Variants in ZNF143 observed in about 807,000 individuals in gnomAD.
ZNF143 encodes SPH-binding factor.
ZNF143 carries 49 observed loss-of-function variants against 74.1 expected under a neutral mutation model. That is an observed-to-expected ratio of 0.66 (90% CI 0.53 to 0.84). The LOEUF (loss-of-function observed/expected upper bound fraction) is 0.84, where lower values mean the gene tolerates loss of function less well. ZNF143 is among the 40% of genes least tolerant of loss of function. The pLI is 0.00. For missense variants in ZNF143, 637 were observed against 793.4 expected (o/e 0.80, Z 2.37); for synonymous variants, 304 against 282.8 (o/e 1.07, Z -0.75).
At chr11:9,497,473 C>G (rs1033148752) in intron 9 of ZNF143, among the ~76,000 whole-genome samples, 1 of 152,144 alleles carries the variant, frequency 6.6e-6, no homozygotes, top group Non-Finnish European at 1.5e-5. Context: ...TCAGGTGATC[C>G]GCCCGCCTTG....
intron 15 of ZNF143, 125 bp downstream of exon 15, chr11:9,525,511 C>T: frequency 7.7e-7 from 1 of 1,291,080 alleles, no homozygotes; most frequent in Non-Finnish European, 1.1e-6. Context: ...TATCACCTAG[C>T]CTACTTTAAG....
At chr11:9,512,033 G>A (rs1848569048) in intron 12 of ZNF143, among the ~76,000 whole-genome samples, 1 of 152,292 alleles carries the variant, frequency 6.6e-6, no homozygotes, top group Non-Finnish European at 1.5e-5. Flanking sequence ...TTACAGGCAT[G>A]AGCCACCGTG....
rs1477531952 is a variant in ZNF143, at chr11:9,486,371, A to ATAATATATATAATATATTATAT, written c.645+6825_645+6826insTAATATATATAATATATTATAT. On this transcript the variant is annotated intron_variant, in intron 7 of 15. Coordinates refer to ENST00000396602, the MANE Select transcript of ZNF143 (RefSeq NM_003442.6). ...TATATATTATATATATATTATATAT[A>ATAATATATATAATATATTATAT]ATATATTATATATATAATATATATA... Among the ~76,000 whole-genome samples the ATAATATATATAATATATTATAT allele has an allele frequency of 1.1e-3, 42 of 36,688 alleles. 2 individuals are homozygous for ATAATATATATAATATATTATAT. The highest frequency in any genetic ancestry group is 4.9e-3 in the African/African-American group (39 of 7,908). The allele number at this position is 36,688 out of a possible 152,430, so 24.1% of individuals were successfully genotyped here.
At chr11:9,481,902 A>T (rs72852991) in intron 7 of ZNF143, among the ~76,000 whole-genome samples, 16,577 of 138,826 alleles carry the variant, frequency 0.12, 1,179 homozygotes, top group Non-Finnish European at 0.16. Context: ...AAAAAAAAAA[A>T]TTTCAGAACT....
In ZNF143 at chr11:9,497,668, C is replaced by A; in HGVS notation, c.842-7C>A. On this transcript the variant is annotated splice_region_variant and splice_polypyrimidine_tract_variant and intron_variant, in intron 9 of 15. Transcript: ENST00000396602. The stretch of plus-strand genomic sequence containing the variant: ...GTAATTAAATTTCTTTTAATTTTTT[C>A]TTAAAGGTTATGGATTAAAAAGTCA... 1 of 1,580,600 alleles carries A rather than the reference C, an allele frequency of 6.3e-7. No homozygotes were observed. The highest frequency in any genetic ancestry group is 8.6e-7 in the Non-Finnish European group (1 of 1,161,434).
At chr11:9,511,335 C>T (rs1339565099) in intron 12 of ZNF143, among the ~76,000 whole-genome samples, 6 of 147,822 alleles carry the variant, frequency 4.1e-5, no homozygotes, top group Admixed American at 2.7e-4. Flanking sequence ...CTTGCTCTGT[C>T]GCCCAGGCTG....
rs1233448207 is a variant in ZNF143, at chr11:9,528,332, TAATG to T, written c.*723_*726del. Reference sequence around the variant, plus strand: ...AATTTTTATTACTGTTTTTTAAAAATAATGAATCATCAAAGTTTAACCACAGGCT... The same window carrying T: ...AATTTTTATTACTGTTTTTTAAAAATAATCATCAAAGTTTAACCACAGGCT... On this transcript the variant is annotated 3_prime_UTR_variant, in exon 16 of 16. Transcript: ENST00000396602. 4 of 152,232 alleles carry T rather than the reference TAATG, an allele frequency of 2.6e-5. No homozygotes were observed. Among genetic ancestry groups the T allele is most frequent in the African/African-American group, 2.4e-5 (1 of 41,470 alleles). 9.4% of individuals were successfully genotyped at this position (152,232 alleles called of 1,614,324 possible). A position where few individuals can be genotyped will look rare whatever the true frequency, so the allele number is the denominator to read the frequency against.
intron 14 of ZNF143, among the ~76,000 whole-genome samples, chr11:9,521,644 G>A (rs1043313203): frequency 6.6e-6 from 1 of 151,386 alleles, no homozygotes; most frequent in African/African-American, 2.4e-5. Context: ...TACTATTCAA[G>A]TTATCTATGT....
At chr11:9,523,603 G>A (rs1422963501) in intron 14 of ZNF143, among the ~76,000 whole-genome samples, 3 of 151,956 alleles carry the variant, frequency 2.0e-5, no homozygotes, top group Non-Finnish European at 2.9e-5. Flanking sequence ...GCGTGATGGC[G>A]GGCGCCTGTA....
intron 7 of ZNF143, 30 bp from the exon 8 acceptor site, chr11:9,494,616 A>G: frequency 6.2e-7 from 1 of 1,603,790 alleles, no homozygotes. Context: ...TGGCTTAAGT[A>G]ATTTAAGTAA....
chr11:9,483,288 CTTTTTTTTTTTTTTT>C (rs58704619), intron 7 of ZNF143, among the ~76,000 whole-genome samples: 2 of 50,200 alleles, frequency 4.0e-5, no homozygotes, highest in African/African-American at 8.8e-5. Flanking sequence ...GCCAACATGC[CTTTTTTTTTTTTTTT>C]TTTTTTTTTT....
chr11:9,478,689 C>A, intron 6 of ZNF143, 103 bp downstream of exon 6: 1 of 1,402,792 alleles, frequency 7.1e-7, no homozygotes, highest in Non-Finnish European at 9.6e-7. Context: ...AAAAACCTGG[C>A]CAATTTTGGC....
In ZNF143 at chr11:9,501,925, C is replaced by CTTTTTTT. The variant is rs57169874; in HGVS notation, c.1147+677_1147+683dup. 8.5e-4 allele frequency among the ~76,000 whole-genome samples: 32 copies of CTTTTTTT among 37,438 alleles called. 3 individuals are homozygous for CTTTTTTT. Among genetic ancestry groups the CTTTTTTT allele is most frequent in the African/African-American group, 1.6e-3 (14 of 8,768 alleles). The allele number at this position is 37,438 out of a possible 152,430, so 24.6% of individuals were successfully genotyped here. ...GGGCGGGGTGGTCTATGGATATATTCTTTTTTTTTTTTTTTTTTTTTTTTT... is the reference window on the plus strand; with the variant it reads ...GGGCGGGGTGGTCTATGGATATATTCTTTTTTTTTTTTTTTTTTTTTTTTTTTTTTTT... On this transcript the variant is annotated intron_variant, in intron 11 of 15. Transcript: ENST00000396602.
intron 6 of ZNF143, 73 bp from the exon 7 acceptor site, chr11:9,479,399 G>T: frequency 8.3e-7 from 1 of 1,210,380 alleles, no homozygotes. Context: ...GCTTCTCCCT[G>T]AACCATGTAC....
intron 1 of ZNF143, among the ~76,000 whole-genome samples, chr11:9,468,020 T>G (rs1436979132): frequency 6.6e-6 from 1 of 152,144 alleles, no homozygotes; most frequent in Non-Finnish European, 1.5e-5. Context: ...GCATTGTAAT[T>G]TTGAAATAAC....
In ZNF143 at chr11:9,472,661, G is replaced by C; in HGVS notation, c.113-16G>C. On this transcript the variant is annotated splice_polypyrimidine_tract_variant and intron_variant, in intron 2 of 15. Coordinates refer to ENST00000396602, the MANE Select transcript of ZNF143 (RefSeq NM_003442.6). ...ATGCTAGCTGTCTAAAGAAAATATTGATTTTTTTGTAATAGATGGTGACAA... is the reference window on the plus strand; with the variant it reads ...ATGCTAGCTGTCTAAAGAAAATATTCATTTTTTTGTAATAGATGGTGACAA... The C allele has an allele frequency of 6.2e-7, 1 of 1,603,370 alleles. No homozygotes were observed. The highest frequency in any genetic ancestry group is 8.5e-7 in the Non-Finnish European group (1 of 1,175,144).
intron 11 of ZNF143, among the ~76,000 whole-genome samples, chr11:9,502,790 A>G (rs543362270): frequency 3.3e-5 from 5 of 150,816 alleles, no homozygotes; most frequent in African/African-American, 1.2e-4. Flanking sequence ...TTTCTCTTCT[A>G]TGGGTTTGCC....
At chr11:9,507,037 C>T (rs1848389703) in intron 11 of ZNF143, among the ~76,000 whole-genome samples, 1 of 152,112 alleles carries the variant, frequency 6.6e-6, no homozygotes, top group African/African-American at 2.4e-5. Flanking sequence ...CAGCAACTAT[C>T]CACCAAAATA....
chr11:9,510,326 G>C (rs940201457), intron 12 of ZNF143, among the ~76,000 whole-genome samples: 1 of 151,820 alleles, frequency 6.6e-6, no homozygotes, highest in African/African-American at 2.4e-5. Flanking sequence ...GGGTTTCACC[G>C]TGTTAGCCAG....
Sources: allele counts gnomAD v4.1 joint callset (sites outside exome capture counted in the v4.1 genomes callset), GRCh38; gene constraint gnomAD v4.1.1; transcripts MANE v1.5; gene names NCBI Gene and HGNC (gene_info 2026-07-23, HGNC 2026-07-21).